GFM1: variants seen among roughly 807,000 people sequenced by gnomAD.
GFM1 encodes G elongation factor mitochondrial 1.
Under a neutral mutation model 96.2 loss-of-function variants are expected in GFM1, and 62 were observed. The observed-to-expected ratio is 0.64, with a 90% confidence interval of 0.53 to 0.80. The LOEUF (loss-of-function observed/expected upper bound fraction) is 0.80, where lower values mean the gene tolerates loss of function less well. Among genes scored for constraint, GFM1 ranks in the 30% least tolerant of loss-of-function variants. The pLI, the probability that GFM1 is intolerant of heterozygous loss-of-function variation, is 0.00. For missense variants in GFM1, 852 were observed against 916.6 expected, an observed-to-expected ratio of 0.93 and a Z score of 0.91; for synonymous variants, 282 against 312.9, an observed-to-expected ratio of 0.90 and a Z score of 1.04.
At chr3:158,660,778 T>C (rs1723139545) in intron 9 of GFM1, 96 bp from the exon 10 acceptor site, 1 of 1,002,108 alleles carries the variant, frequency 1.0e-6, no homozygotes, top group Admixed American at 1.7e-5. Context: ...CACGCTTTTT[T>C]ATATACAATG....
chr3:158,683,272 A>G (rs1338625117), intron 14 of GFM1, among the ~76,000 whole-genome samples: 8 of 152,192 alleles, frequency 5.3e-5, no homozygotes, highest in Admixed American at 5.2e-4. Flanking sequence ...TAGACATTTT[A>G]CAGCATATAT....
chr3:158,665,393 A>G lies in GFM1; in HGVS notation c.1437A>G (p.Thr479=). 1 of 1,610,076 alleles carries G rather than the reference A, an allele frequency of 6.2e-7. No homozygotes were observed. Among genetic ancestry groups the G allele is most frequent in the Non-Finnish European group, 8.5e-7 (1 of 1,176,690 alleles). ...GIGRFTREDP[T]FKVYFDTENK... The stretch of plus-strand genomic sequence containing the variant: ...GCAGGTTTACAAGAGAAGATCCCAC[A>G]TTTAAAGTATACTTTGACACTGAGA... Residue 479 remains threonine, a synonymous_variant, in exon 12 of 18, where the codon ACA becomes ACG. Transcript: ENST00000486715.
chr3:158,654,092 C>T (rs989037734), intron 7 of GFM1, among the ~76,000 whole-genome samples: 1 of 150,948 alleles, frequency 6.6e-6, no homozygotes, highest in South Asian at 2.1e-4. Flanking sequence ...AAACAAACTG[C>T]AAAAGAAACT....
intron 15 of GFM1, among the ~76,000 whole-genome samples, chr3:158,689,838 A>G (rs1726160863): frequency 6.6e-6 from 1 of 152,164 alleles, no homozygotes; most frequent in South Asian, 2.1e-4. Flanking sequence ...GAGAGAATAA[A>G]TAACTCAGCT....
rs973254122 is a variant in GFM1, at chr3:158,694,958, T to C, written c.*3491T>C. ...GAGTGATTCAGAATAATTTAGACTG[T>C]TAATGAAAAGAGGACATAGGGAATA... On this transcript the variant is annotated 3_prime_UTR_variant, in exon 18 of 18. Coordinates refer to ENST00000486715, the MANE Select transcript of GFM1 (RefSeq NM_024996.7). Among the ~76,000 whole-genome samples the C allele has an allele frequency of 1.3e-5, 2 of 152,266 alleles. No homozygotes were observed. Among genetic ancestry groups the C allele is most frequent in the African/African-American group, 4.8e-5 (2 of 41,472 alleles).
chr3:158,684,797 G>GGCAAATCTA (rs1315122088), intron 15 of GFM1, 129 bp downstream of exon 15: 1 of 912,198 alleles, frequency 1.1e-6, no homozygotes, highest in Non-Finnish European at 1.7e-6. Flanking sequence ...GTAGGTAGTG[G>GGCAAATCTA]GCAAATCTTT....
At chr3:158,673,954 G>A (rs1405335919) in intron 13 of GFM1, among the ~76,000 whole-genome samples, 1 of 121,056 alleles carries the variant, frequency 8.3e-6, no homozygotes, top group Non-Finnish European at 1.7e-5. Flanking sequence ...GGTTCTGATT[G>A]ACTTTGCCTT....
intron 15 of GFM1, among the ~76,000 whole-genome samples, chr3:158,689,747 C>CAAA (rs202180927): frequency 1.1e-5 from 1 of 92,264 alleles, no homozygotes; most frequent in Non-Finnish European, 2.4e-5. Flanking sequence ...GCTTGGGTGA[C>CAAA]AAAAAAAAAA....
intron 11 of GFM1, 45 bp from the exon 12 acceptor site, chr3:158,665,292 A>G: frequency 6.7e-7 from 1 of 1,490,778 alleles, no homozygotes; most frequent in East Asian, 2.3e-5. Context: ...CCCATTGCTT[A>G]TCATGCTCAG....
rs371985376 is a variant in GFM1, at chr3:158,669,060, A to G, written c.1601+2674A>G. ...TGTGTCTTCAGTAGAATTTTGCCATATTATATAACCACAGGCAACCCAGGC... is the reference window on the plus strand; with the variant it reads ...TGTGTCTTCAGTAGAATTTTGCCATGTTATATAACCACAGGCAACCCAGGC... On this transcript the variant is annotated intron_variant, in intron 13 of 17. Coordinates refer to ENST00000486715, the MANE Select transcript of GFM1 (RefSeq NM_024996.7). 58 of 1,613,590 alleles carry G rather than the reference A, an allele frequency of 3.6e-5. No individual in the cohort carries two copies. Among genetic ancestry groups the G allele is most frequent in the Non-Finnish European group, 4.8e-5 (57 of 1,179,812 alleles).
At chr3:158,671,731 T>C (rs1177510543) in intron 13 of GFM1, among the ~76,000 whole-genome samples, 1 of 152,202 alleles carries the variant, frequency 6.6e-6, no homozygotes, top group East Asian at 1.9e-4. Flanking sequence ...CAAACCTCGT[T>C]AGTGATTGCT....
intron 8 of GFM1, among the ~76,000 whole-genome samples, chr3:158,654,970 A>G (rs1722624182): frequency 6.6e-6 from 1 of 152,232 alleles, no homozygotes. Flanking sequence ...ATAACAGTGC[A>G]TCAAGTAGAT....
chr3:158,644,767 C>T (rs1576718615), intron 1 of GFM1, 52 bp downstream of exon 1: 1 of 1,463,070 alleles, frequency 6.8e-7, no homozygotes, highest in Non-Finnish European at 9.4e-7. Context: ...ACCTTGTGAT[C>T]CCTTCTGGGC....
intron 5 of GFM1, chr3:158,650,067 C>T (rs754385267): frequency 5.9e-6 from 9 of 1,533,562 alleles, no homozygotes; most frequent in African/African-American, 1.4e-5. Flanking sequence ...GGCAGGTGGG[C>T]GAATGGCATT....
chr3:158,646,121 A>G, intron 2 of GFM1, 44 bp from the exon 3 acceptor site: 3 of 1,613,134 alleles, frequency 1.9e-6, no homozygotes, highest in Non-Finnish European at 2.5e-6. Context: ...TCCTTCTTGG[A>G]ATGCAGGGAC....
In GFM1 at chr3:158,645,732, T is replaced by C. The variant is rs774252647; in HGVS notation, c.185T>C (p.Leu62Ser). The change falls in exon 2 of 18, where the codon TTA becomes TCA. Residue 62 changes from leucine to serine, a missense_variant. Leu to Ser is a moderately radical substitution (Grantham distance 145, BLOSUM62 -2). Coordinates refer to ENST00000486715, the MANE Select transcript of GFM1 (RefSeq NM_024996.7). ...SAHIDSGKTT[L>S]TERVLYYTGR... ...CACATTGATTCTGGGAAAACTACAT[T>C]AACAGAACGAGTCCTTTACTACACT... 3 of 1,612,684 alleles carry C rather than the reference T, an allele frequency of 1.9e-6. No individual in the cohort carries two copies. Among genetic ancestry groups the C allele is most frequent in the Non-Finnish European group, 8.5e-7 (1 of 1,178,648 alleles).
At chr3:158,655,296 C>T (rs1451438121) in intron 8 of GFM1, among the ~76,000 whole-genome samples, 1 of 151,986 alleles carries the variant, frequency 6.6e-6, no homozygotes, top group Non-Finnish European at 1.5e-5. Context: ...CCAGCCTAGC[C>T]AACATGGTGA....
At chr3:158,673,531 G>A (rs1308568890) in intron 13 of GFM1, among the ~76,000 whole-genome samples, 7 of 72,470 alleles carry the variant, frequency 9.7e-5, no homozygotes, top group Admixed American at 6.2e-4. Context: ...TTTTTTTTGA[G>A]ATGGAATTTC....
At chr3:158,690,438 ATGTGG>A in intron 16 of GFM1, 115 bp downstream of exon 16, 1 of 984,908 alleles carries the variant, frequency 1.0e-6, no homozygotes, top group African/African-American at 1.6e-5. Context: ...GGCTTTATAC[ATGTGG>A]CATTTTCTGT....
Sources: allele counts gnomAD v4.1 joint callset (sites outside exome capture counted in the v4.1 genomes callset), GRCh38; gene constraint gnomAD v4.1.1; transcripts MANE v1.5; gene names NCBI Gene and HGNC (gene_info 2026-07-23, HGNC 2026-07-21).